The following FGF13 variants were observed in gnomAD, a reference collection of about 807,000 sequenced individuals.
FGF13 encodes the protein fibroblast growth factor homologous factor 2.
Under a neutral mutation model 19.5 loss-of-function variants are expected in FGF13, and 2 were observed. The observed-to-expected ratio is 0.10, with a 90% CI of 0.04 to 0.32. The LOEUF (loss-of-function observed/expected upper bound fraction) is 0.32. Ranked by LOEUF, FGF13 falls within the 10% of genes least tolerant of loss-of-function variation. FGF13 has a pLI of 1.00. For missense variants in FGF13, 113 were observed against 192.7 expected, an observed-to-expected ratio of 0.59 and a Z score of 2.45; for synonymous variants, 72 against 76.9, an observed-to-expected ratio of 0.94 and a Z score of 0.33.
intron 1 of FGF13, among the ~76,000 whole-genome samples, chrX:139,063,034 A>G (rs755942709): frequency 4.5e-5 from 5 of 111,722 alleles, no homozygotes; most frequent in African/African-American, 1.6e-4. Flanking sequence ...TGCTATTTAG[A>G]GGGTCTGGAA....
At chrX:139,053,802 T>G (rs1261442864) in intron 1 of FGF13, among the ~76,000 whole-genome samples, 1 of 112,069 alleles carries the variant, frequency 8.9e-6, no homozygotes, top group Non-Finnish European at 1.9e-5. Context: ...CATTTGCTTT[T>G]GGGTTCTTGG....
intron 1 of FGF13, among the ~76,000 whole-genome samples, chrX:138,937,365 A>G (rs750994009): frequency 4.4e-4 from 49 of 111,887 alleles, no homozygotes; most frequent in African/African-American, 1.6e-3. Flanking sequence ...ATGAACCCTC[A>G]TCTGTACTCA....
At chrX:139,150,441 C>A (rs1246651763) in intron 1 of FGF13, among the ~76,000 whole-genome samples, 3 of 112,272 alleles carry the variant, frequency 2.7e-5, no homozygotes, top group African/African-American at 9.7e-5. Flanking sequence ...TGGTCAAACC[C>A]ACCTATCCAC....
At chrX:138,960,197 G>T (rs2091862286) in intron 1 of FGF13, among the ~76,000 whole-genome samples, 1 of 111,655 alleles carries the variant, frequency 9.0e-6, no homozygotes, top group Non-Finnish European at 1.9e-5. Context: ...TCCTTCAGGA[G>T]CTCTTGTAAG....
chrX:139,156,515 T>A (rs113716853), intron 1 of FGF13, among the ~76,000 whole-genome samples: 2 of 112,057 alleles, frequency 1.8e-5, no homozygotes, highest in African/African-American at 6.5e-5. Context: ...AAGCAAGGAG[T>A]CTTATTGGTA....
At chrX:138,675,196 T>C (rs765845078) in intron 3 of FGF13, among the ~76,000 whole-genome samples, 3 of 112,429 alleles carry the variant, frequency 2.7e-5, no homozygotes, top group African/African-American at 9.7e-5. Context: ...GCTTGTTAAA[T>C]CTATGGATAC....
chrX:139,077,571 C>G (rs2083340971), intron 1 of FGF13, among the ~76,000 whole-genome samples: 1 of 111,314 alleles, frequency 9.0e-6, no homozygotes. Context: ...TACATATATA[C>G]TTTTATGAGG....
At chrX:139,088,181 C>T (rs955845718) in intron 1 of FGF13, among the ~76,000 whole-genome samples, 1 of 111,926 alleles carries the variant, frequency 8.9e-6, no homozygotes, top group African/African-American at 3.3e-5. Flanking sequence ...ACATTTGGAG[C>T]GAATGATCTG....
At chrX:139,061,676 C>T (rs1356506331) in intron 1 of FGF13, among the ~76,000 whole-genome samples, 1 of 111,558 alleles carries the variant, frequency 9.0e-6, no homozygotes, top group African/African-American at 3.3e-5. Flanking sequence ...AACTAAGATG[C>T]ACAACCAACA....
chrX:138,651,908 A>G lies in FGF13; in HGVS notation c.403-16253T>C, dbSNP rs186578057. On this transcript the variant is annotated intron_variant, in intron 3 of 4. Transcript: ENST00000315930. ...ATTCACTCTGTTAGTTGGCCACTAT[A>G]CATGTAAACTATACATGTAGTATAA... Among the ~76,000 whole-genome samples the G allele has an allele frequency of 3.6e-5, 4 of 111,666 alleles. No homozygotes were observed. In the East Asian group the frequency reaches 1.1e-3, roughly 32 times the overall value.
At position 138,624,479 on chromosome X, in the gene FGF13, A is replaced by G. The variant is rs1204388674; in HGVS notation, c.*8371T>C. The G allele has an allele frequency of 8.9e-6, 1 of 112,772 alleles. No homozygotes were observed. Among genetic ancestry groups the G allele is most frequent in the Non-Finnish European group, 1.9e-5 (1 of 53,402 alleles). 9.3% of individuals were successfully genotyped at this position (112,772 alleles called of 1,213,427 possible). A position where few individuals can be genotyped will look rare whatever the true frequency, so the allele number is the denominator to read the frequency against. On this transcript the variant is annotated 3_prime_UTR_variant, in exon 5 of 5. Coordinates refer to ENST00000315930, the MANE Select transcript of FGF13 (RefSeq NM_004114.5). ...CTAAAATTGTAAAATTACTAGAATA[A>G]GAAATAATGTCTATGGCATTGGTCT...
chrX:139,131,803 A>G (rs951139916), intron 1 of FGF13, among the ~76,000 whole-genome samples: 1 of 111,743 alleles, frequency 8.9e-6, no homozygotes, highest in African/African-American at 3.3e-5. Context: ...AATCTATTGG[A>G]GCCAAAAACC....
chrX:138,878,355 T>C (rs1160387592), intron 1 of FGF13, among the ~76,000 whole-genome samples: 5 of 88,448 alleles, frequency 5.7e-5, no homozygotes, highest in Non-Finnish European at 6.4e-5. Context: ...CCTGTGTCCA[T>C]GTGTTCTCAT....
chrX:138,904,638 A>G (rs1229785307), intron 1 of FGF13, among the ~76,000 whole-genome samples: 1 of 111,433 alleles, frequency 9.0e-6, no homozygotes, highest in Non-Finnish European at 1.9e-5. Flanking sequence ...AAATCCTCCT[A>G]GGCCTTACCC....
rs968724606 is a variant in FGF13, at chrX:139,029,976, G to A, written c.-112-165326C>T. The stretch of plus-strand genomic sequence containing the variant: ...ATCTTTCTCACAACTATTCAACTCT[G>A]CAATTATAGTGCAAATCCAGAAATA... On this transcript the variant is annotated intron_variant, in intron 1 of 2. Coordinates refer to the FGF13 transcript ENST00000421460. 2.7e-5 allele frequency among the ~76,000 whole-genome samples: 3 copies of A among 111,605 alleles called. No individual in the cohort carries two copies. In the South Asian group the frequency reaches 1.1e-3, roughly 42 times the overall value.
intron 3 of FGF13, among the ~76,000 whole-genome samples, chrX:138,746,809 A>G (rs2090359846): frequency 8.9e-6 from 1 of 112,624 alleles, no homozygotes; most frequent in Non-Finnish European, 1.9e-5. Flanking sequence ...AGTGCCCAGC[A>G]TACAGTAAGC....
In FGF13 at chrX:138,808,005, C is replaced by A. The variant is rs750548149; in HGVS notation, c.217+49507G>T. On this transcript the variant is annotated intron_variant, in intron 3 of 6. Coordinates refer to the FGF13 transcript ENST00000436198. ...ACAATGACAAAGGGAGACTTTAACA[C>A]CCCACTGTCAACATTAGACAGATCA... Among the ~76,000 whole-genome samples the A allele has an allele frequency of 1.7e-4, 19 of 111,443 alleles. No homozygotes were observed. In the South Asian group the frequency reaches 6.1e-3, roughly 36 times the overall value.
At chrX:138,996,551 A>G (rs1373901257) in intron 1 of FGF13, among the ~76,000 whole-genome samples, 1 of 112,649 alleles carries the variant, frequency 8.9e-6, no homozygotes, top group Non-Finnish European at 1.9e-5. Context: ...TTATGCTCAC[A>G]GTGTAAACAA....
In FGF13 at chrX:138,780,767, G is replaced by C. The variant is rs1343985976; in HGVS notation, c.218-71839C>G. Among the ~76,000 whole-genome samples the C allele has an allele frequency of 5.4e-5, 6 of 110,683 alleles. 1 individual carries two copies. The highest frequency in any genetic ancestry group is 1.1e-4 in the Non-Finnish European group (6 of 53,035). ...ATTAGACAGATCCACGAGACGGAAA[G>C]TCAACAAGGATACCCAGGAATTGAA... On this transcript the variant is annotated intron_variant, in intron 3 of 6. Transcript: ENST00000436198.
Sources: gnomAD v4.1 joint callset for allele counts (sites outside exome capture counted in the v4.1 genomes callset) on GRCh38, gnomAD v4.1.1 for gene constraint, MANE v1.5 for transcripts, NCBI Gene and HGNC (gene_info 2026-07-23, HGNC 2026-07-21) for gene names.